CCNY: variants seen among roughly 807,000 people sequenced by gnomAD.
The protein encoded by CCNY is cyclin-Y.
CCNY carries 19 observed loss-of-function variants against 42.8 expected under a neutral mutation model. That is an observed-to-expected ratio of 0.44 (90% confidence interval 0.31 to 0.65). The LOEUF (loss-of-function observed/expected upper bound fraction) is 0.65, where lower values mean the gene tolerates loss of function less well. CCNY is among the 30% of genes least tolerant of loss of function. CCNY has a pLI of 0.07. For missense variants in CCNY, 370 were observed against 437.3 expected (o/e 0.85, Z 1.37); for synonymous variants, 165 against 162.7 (o/e 1.01, Z -0.11).
At chr10:35,452,640 T>G (rs1346878158) in intron 1 of CCNY, among the ~76,000 whole-genome samples, 1 of 152,154 alleles carries the variant, frequency 6.6e-6, no homozygotes, top group Non-Finnish European at 1.5e-5. Context: ...TCTTGTCCTT[T>G]GAGGTTGGAA....
At chr10:35,398,945 A>G (rs931693826) in intron 1 of CCNY, among the ~76,000 whole-genome samples, 1 of 152,202 alleles carries the variant, frequency 6.6e-6, no homozygotes, top group Non-Finnish European at 1.5e-5. Flanking sequence ...TGCCCCTGTG[A>G]AGAATCAGAC....
At chr10:35,511,677 T>C (rs1002393897) in intron 3 of CCNY, among the ~76,000 whole-genome samples, 1 of 152,224 alleles carries the variant, frequency 6.6e-6, no homozygotes, top group African/African-American at 2.4e-5. Flanking sequence ...AATTCTACCC[T>C]GCAGTGCAGG....
intron 3 of CCNY, chr10:35,321,102 T>A (rs368040475): frequency 7.7e-6 from 1 of 129,918 alleles, no homozygotes. Context: ...GGTGACAGAG[T>A]GAGGCTTTGT....
chr10:35,450,087 A>G (rs1564415577), intron 1 of CCNY, among the ~76,000 whole-genome samples: 1 of 152,076 alleles, frequency 6.6e-6, no homozygotes, highest in Non-Finnish European at 1.5e-5. Flanking sequence ...GGGAGCCAAT[A>G]TGACTACAAG....
intron 1 of CCNY, among the ~76,000 whole-genome samples, chr10:35,466,443 C>G (rs1029769169): frequency 8.5e-5 from 13 of 152,160 alleles, no homozygotes; most frequent in African/African-American, 3.1e-4. Flanking sequence ...ACTGGAGGAG[C>G]AGGCCAGCTC....
At chr10:35,528,041 G>A (rs1436299835) in intron 5 of CCNY, among the ~76,000 whole-genome samples, 1 of 152,124 alleles carries the variant, frequency 6.6e-6, no homozygotes, top group Non-Finnish European at 1.5e-5. Flanking sequence ...TACTTCAGGC[G>A]AATGTTTCTC....
intron 7 of CCNY, among the ~76,000 whole-genome samples, chr10:35,549,199 T>A (rs977893584): frequency 2.7e-5 from 4 of 146,990 alleles, no homozygotes; most frequent in Non-Finnish European, 6.0e-5. Flanking sequence ...TCTCAGGGGC[T>A]TCACAACTGC....
At chr10:35,411,534 A>G (rs1322500242) in intron 1 of CCNY, among the ~76,000 whole-genome samples, 3 of 151,616 alleles carry the variant, frequency 2.0e-5, no homozygotes, top group Non-Finnish European at 2.9e-5. Flanking sequence ...AAAAAAAAAA[A>G]AGATTTAGCA....
In CCNY at chr10:35,432,907, C is replaced by T. The variant is rs1214428067; in HGVS notation, c.155-50497C>T. ...CTTTTTTGCCAGCATCTTATTTGATCCTTAATGTGTCTGGAATGTGGTTAA... is the reference window on the plus strand; with the variant it reads ...CTTTTTTGCCAGCATCTTATTTGATTCTTAATGTGTCTGGAATGTGGTTAA... On this transcript the variant is annotated intron_variant, in intron 1 of 9. Transcript: ENST00000374704. Among the ~76,000 whole-genome samples the T allele has an allele frequency of 2.6e-5, 4 of 152,298 alleles. No individual in the cohort carries two copies. In the South Asian group the frequency reaches 6.2e-4, roughly 24 times the overall value.
At chr10:35,269,141 C>T (rs1167896340) in intron 3 of CCNY, among the ~76,000 whole-genome samples, 1 of 152,070 alleles carries the variant, frequency 6.6e-6, no homozygotes, top group Non-Finnish European at 1.5e-5. Context: ...TTTTTACATA[C>T]TGCCTCCCTT....
intron 1 of CCNY, among the ~76,000 whole-genome samples, chr10:35,381,736 A>G (rs74623272): frequency 0.027 from 4,147 of 152,286 alleles, 81 homozygotes; most frequent in Middle Eastern, 0.044. Context: ...AGTCTTGTGT[A>G]TTTAACTCTG....
At chr10:35,248,262 A>AG (rs2095709598) in intron 2 of CCNY, 2 of 152,340 alleles carry the variant, frequency 1.3e-5, no homozygotes, top group African/African-American at 4.8e-5. Flanking sequence ...TTCCCTTCCT[A>AG]GAAAAACCTT....
rs577945473 is a variant in CCNY, at chr10:35,358,233, T to A, written c.154+21026T>A. On this transcript the variant is annotated intron_variant, in intron 1 of 9. Coordinates refer to ENST00000374704, the MANE Select transcript of CCNY (RefSeq NM_145012.6). ...AGCAAGTCTTTTTTTTTTTTTTTTT[T>A]AAACTCATGATTTTTCTTGCTGTTT... 5.3e-4 allele frequency among the ~76,000 whole-genome samples: 75 copies of A among 141,138 alleles called. 1 individual carries two copies. The South Asian group carries it at 0.01, about 20-fold the overall frequency. The allele number at this position is 141,138 out of a possible 152,430, so 92.6% of individuals were successfully genotyped here.
At position 35,258,859 on chromosome 10, in the gene CCNY, C is replaced by T. The variant is rs138962820; in HGVS notation, c.-9+8233C>T. On this transcript the variant is annotated intron_variant, in intron 3 of 11. Coordinates refer to the CCNY transcript ENST00000374706. ...GGCTGAGGCAGGAGAATGATTGAAC[C>T]TGGGAGGCGGAGTTTGCAGTGAGCC... 4.6e-3 allele frequency among the ~76,000 whole-genome samples: 692 copies of T among 151,408 alleles called. 43 individuals carry two copies. In the South Asian group the frequency reaches 0.12, roughly 27 times the overall value.
chr10:35,277,041 C>G (rs1345831400), intron 3 of CCNY, among the ~76,000 whole-genome samples: 1 of 152,240 alleles, frequency 6.6e-6, no homozygotes, highest in Non-Finnish European at 1.5e-5. Flanking sequence ...GATTCCATCT[C>G]ATGCATATTC....
intron 7 of CCNY, among the ~76,000 whole-genome samples, chr10:35,531,574 C>T (rs1182896618): frequency 1.3e-5 from 2 of 152,150 alleles, no homozygotes; most frequent in East Asian, 1.9e-4. Flanking sequence ...AACCAAAACA[C>T]GCAACAGGGC....
intron 1 of CCNY, among the ~76,000 whole-genome samples, chr10:35,451,241 A>G (rs1251880385): frequency 1.3e-5 from 2 of 152,186 alleles, no homozygotes; most frequent in African/African-American, 4.8e-5. Flanking sequence ...CTTTTTTACA[A>G]AAACAAGTTA....
rs182742354 is a variant in CCNY, at chr10:35,500,798, G to A, written c.230-703G>A. Among the ~76,000 whole-genome samples the A allele has an allele frequency of 2.4e-3, 371 of 152,320 alleles. 1 individual carries two copies. Among genetic ancestry groups the A allele is most frequent in the African/African-American group, 6.8e-3 (282 of 41,560 alleles). ...CCCATTCTGAGAAACACTGGTATCT[G>A]GGGACACTGCAGGCTGAGCTGCTCA... On this transcript the variant is annotated intron_variant, in intron 2 of 9. Coordinates refer to ENST00000374704, the MANE Select transcript of CCNY (RefSeq NM_145012.6).
chr10:35,416,605 A>G (rs1160945032), intron 1 of CCNY, among the ~76,000 whole-genome samples: 4 of 152,222 alleles, frequency 2.6e-5, no homozygotes, highest in Admixed American at 2.6e-4. Flanking sequence ...GGTGGTGAAG[A>G]TACCATAGAA....
Sources: gnomAD v4.1 joint callset for allele counts (sites outside exome capture counted in the v4.1 genomes callset) on GRCh38, gnomAD v4.1.1 for gene constraint, MANE v1.5 for transcripts, NCBI Gene and HGNC (gene_info 2026-07-23, HGNC 2026-07-21) for gene names.